FAM83B: variants seen among roughly 807,000 people sequenced by gnomAD.
FAM83B encodes scaffolding CK1 anchoring protein B, also known as protein FAM83B.
In FAM83B, 26 loss-of-function variants were observed where a neutral mutation model predicts 38.8. The ratio of observed to expected loss-of-function variants is 0.67; its 90% CI spans 0.49 to 0.93. The LOEUF (loss-of-function observed/expected upper bound fraction) is 0.93. Ranked by LOEUF, FAM83B falls within the 40% of genes least tolerant of loss-of-function variation. The pLI, the probability that FAM83B is intolerant of heterozygous loss-of-function variation, is 0.00. For missense variants in FAM83B, 1,237 were observed against 1,197.3 expected (o/e 1.03, Z -0.49); for synonymous variants, 419 against 423.1 (o/e 0.99, Z 0.12).
At position 54,860,156 on chromosome 6, in the gene FAM83B, A is replaced by C. The variant is rs150768110; in HGVS notation, c.-60-10031A>C. Among the ~76,000 whole-genome samples the C allele has an allele frequency of 3.7e-3, 568 of 152,290 alleles. 5 individuals are homozygous for C. The highest frequency in any genetic ancestry group is 0.013 in the African/African-American group (538 of 41,554). On this transcript the variant is annotated intron_variant, in intron 1 of 4. Transcript: ENST00000306858. ...AGCCTGCTTGTTAGCTACATAGCAT[A>C]ATAACAAGCTTTTCTGCATGTTATT...
intron 4 of FAM83B, among the ~76,000 whole-genome samples, chr6:54,937,866 T>A (rs530362365): frequency 6.6e-6 from 1 of 151,942 alleles, no homozygotes; most frequent in Non-Finnish European, 1.5e-5. Context: ...TTTTTCTTTA[T>A]TTTTTTTAAC....
intron 2 of FAM83B, among the ~76,000 whole-genome samples, chr6:54,921,150 A>G (rs1156498699): frequency 6.6e-6 from 1 of 151,958 alleles, no homozygotes; most frequent in East Asian, 1.9e-4. Context: ...CTGCTTATCC[A>G]TGAAGACCTG....
At chr6:54,854,293 T>C (rs1256503834) in intron 1 of FAM83B, among the ~76,000 whole-genome samples, 1 of 152,222 alleles carries the variant, frequency 6.6e-6, no homozygotes, top group South Asian at 2.1e-4. Flanking sequence ...TTTAAGAAGA[T>C]TGACTCTAAT....
rs779244502 is a variant in FAM83B at position 54,940,586 on chromosome 6, C to A, written c.1615C>A (p.Arg539=). 1.2e-5 allele frequency: 20 copies of A among 1,613,908 alleles called. No homozygotes were observed. Among genetic ancestry groups the A allele is most frequent in the Non-Finnish European group, 1.7e-5 (20 of 1,180,016 alleles). Residue 539 remains arginine (R), a synonymous_variant, in exon 5 of 5, where the codon CGG becomes AGG. Transcript: ENST00000306858. The part of the protein sequence containing the change: ...LKANALYTHS[R]LRSSLVFKPT... ...GGCCAATGCCCTTTATACTCATTCT[C>A]GGCTTCGTTCCTCTTTAGTATTTAA...
intron 4 of FAM83B, among the ~76,000 whole-genome samples, chr6:54,935,638 A>T (rs1773509760): frequency 6.6e-6 from 1 of 152,090 alleles, no homozygotes; most frequent in African/African-American, 2.4e-5. Context: ...AACAAAACAG[A>T]AAGTTCTGTG....
At chr6:54,939,077 G>A (rs1773593933) in intron 4 of FAM83B, among the ~76,000 whole-genome samples, 1 of 152,052 alleles carries the variant, frequency 6.6e-6, no homozygotes, top group Admixed American at 6.6e-5. Flanking sequence ...TCTTCTACAT[G>A]TGGCTTGCCA....
intron 1 of FAM83B, among the ~76,000 whole-genome samples, chr6:54,863,962 T>C (rs1477719967): frequency 6.6e-6 from 1 of 152,206 alleles, no homozygotes; most frequent in Admixed American, 6.5e-5. Context: ...AGTTTAGATG[T>C]TGGTAAAATA....
At chr6:54,933,038 T>A (rs1773457048) in intron 4 of FAM83B, among the ~76,000 whole-genome samples, 1 of 152,180 alleles carries the variant, frequency 6.6e-6, no homozygotes, top group Non-Finnish European at 1.5e-5. Flanking sequence ...TCAAATAAGT[T>A]ATCTGCTTCT....
chr6:54,938,438 T>C (rs1424564943), intron 4 of FAM83B, among the ~76,000 whole-genome samples: 6 of 152,206 alleles, frequency 3.9e-5, no homozygotes, highest in Non-Finnish European at 2.9e-5. Context: ...TCAAGGAATC[T>C]TCCTACTGTT....
rs577211698 is a variant in FAM83B, at chr6:54,911,379, G to C, written c.445-14992G>C. Among the ~76,000 whole-genome samples, 57 of 151,978 alleles carry C rather than the reference G, an allele frequency of 3.8e-4. 1 individual carries two copies. The highest frequency in any genetic ancestry group is 1.2e-3 in the African/African-American group (51 of 41,454). On this transcript the variant is annotated intron_variant, in intron 2 of 4. Transcript: ENST00000306858. ...TGAGATGATCTTTCACTTTTAGCTG[G>C]ATAATTAGTGATAAGATTACCTCAG...
upstream of FAM83B, chr6:54,846,729 C>T (rs934074985): frequency 1.3e-5 from 2 of 152,262 alleles, no homozygotes; most frequent in African/African-American, 2.4e-5. Context: ...ACTCCCCTCC[C>T]CTCCCTGCCC....
At chr6:54,869,540 C>T (rs562776044) in intron 1 of FAM83B, among the ~76,000 whole-genome samples, 43 of 152,028 alleles carry the variant, frequency 2.8e-4, no homozygotes, top group African/African-American at 9.4e-4. Flanking sequence ...ATATCTCTTC[C>T]GTGATTTTGC....
chr6:54,875,621 G>A (rs796363961), intron 2 of FAM83B, among the ~76,000 whole-genome samples: 3 of 152,082 alleles, frequency 2.0e-5, no homozygotes, highest in South Asian at 4.2e-4. Flanking sequence ...TGAGAGACAG[G>A]GCATGAGAGG....
intron 2 of FAM83B, among the ~76,000 whole-genome samples, chr6:54,923,240 T>G (rs1773212129): frequency 6.6e-6 from 1 of 152,134 alleles, no homozygotes; most frequent in Non-Finnish European, 1.5e-5. Context: ...CTTTAATATC[T>G]AATGTTCTTT....
At chr6:54,859,042 C>G (rs1771511881) in intron 1 of FAM83B, among the ~76,000 whole-genome samples, 1 of 151,484 alleles carries the variant, frequency 6.6e-6, no homozygotes, top group Non-Finnish European at 1.5e-5. Flanking sequence ...TATAATTCCT[C>G]CCCCGACACC....
At chr6:54,905,903 A>G (rs1772767442) in intron 2 of FAM83B, among the ~76,000 whole-genome samples, 1 of 151,942 alleles carries the variant, frequency 6.6e-6, no homozygotes, top group Non-Finnish European at 1.5e-5. Context: ...TTTCTCTTCT[A>G]TTAGAAGAAC....
chr6:54,934,049 G>A (rs574728882), intron 4 of FAM83B, among the ~76,000 whole-genome samples: 2 of 152,182 alleles, frequency 1.3e-5, no homozygotes, highest in South Asian at 4.1e-4. Flanking sequence ...CTTTTCAATT[G>A]GTCGCTAGCA....
At chr6:54,871,555 CAAT>C (rs3064912) in intron 2 of FAM83B, among the ~76,000 whole-genome samples, 35,368 of 126,888 alleles carry the variant, frequency 0.28, 5,578 homozygotes, top group East Asian at 0.54. Flanking sequence ...CTCGTCTCTA[CAAT>C]AATAATAATA....
In FAM83B at chr6:54,926,389, G is replaced by T; in HGVS notation, c.463G>T (p.Asp155Tyr). The change falls in exon 3 of 5, where the codon GAT becomes TAT. Residue 155 changes from aspartate (D) to tyrosine (Y), a missense_variant. By Grantham distance (160) the Asp-to-Tyr change is radical (BLOSUM62 -3). Coordinates refer to ENST00000306858, the MANE Select transcript of FAM83B (RefSeq NM_001010872.3). ...EARKVIALVMDIFTDVDIFKE... is the reference protein window; with the variant it reads ...EARKVIALVMYIFTDVDIFKE... ...TTAACAGGTCATTGCTTTAGTGATG[G>T]ATATATTTACAGATGTGGACATTTT... 1.3e-6 allele frequency: 2 copies of T among 1,597,988 alleles called. No individual in the cohort carries two copies. The highest frequency in any genetic ancestry group is 1.7e-6 in the Non-Finnish European group (2 of 1,170,168).
Sources: allele counts gnomAD v4.1 joint callset (sites outside exome capture counted in the v4.1 genomes callset), GRCh38; gene constraint gnomAD v4.1.1; transcripts MANE v1.5; gene names NCBI Gene and HGNC (gene_info 2026-07-23, HGNC 2026-07-21).